The following PCNX2 variants were observed in gnomAD, a reference collection of about 807,000 sequenced individuals.
The protein encoded by PCNX2 is pecanex-like protein 2.
Under a neutral mutation model 223.8 loss-of-function variants are expected in PCNX2, and 168 were observed. The observed-to-expected ratio is 0.75, with a 90% CI of 0.66 to 0.85. PCNX2 has a LOEUF of 0.85. Ranked by LOEUF, PCNX2 falls within the 40% of genes least tolerant of loss-of-function variation. The pLI is 0.00. For missense variants in PCNX2, 2,507 were observed against 2,675.5 expected, an observed-to-expected ratio of 0.94 and a Z score of 1.39; for synonymous variants, 1,006 against 1,052.6, an observed-to-expected ratio of 0.96 and a Z score of 0.86.
Position 233,139,139 on chromosome 1 carries a change from G to T in PCNX2, c.3659+575C>A, listed in dbSNP as rs1044051829. ...AGATTATCAAGGAGATTTCCATGTT[G>T]TAAATTCAGAATTAATTTTAATATA... On this transcript the variant is annotated intron_variant, in intron 20 of 33. Transcript: ENST00000258229. This position sits in a 1 kb window ranked among gnomAD's most constrained non-coding sequence, Gnocchi z 4.4. Among the ~76,000 whole-genome samples, 5 of 152,180 alleles carry T rather than the reference G, an allele frequency of 3.3e-5. No individual in the cohort carries two copies. Among genetic ancestry groups the T allele is most frequent in the African/African-American group, 1.2e-4 (5 of 41,432 alleles).
chr1:233,024,724 T>C (rs1671022185), intron 26 of PCNX2, among the ~76,000 whole-genome samples: 1 of 152,234 alleles, frequency 6.6e-6, no homozygotes, highest in South Asian at 2.1e-4. Flanking sequence ...AGCTACATTT[T>C]GAGTTCTCCT....
In PCNX2 at chr1:233,258,388, A is replaced by AT; in HGVS notation, c.1473dup (p.Ser492IlefsTer8). 6.2e-7 allele frequency: 1 copy of AT among 1,613,980 alleles called. No homozygotes were observed. The highest frequency in any genetic ancestry group is 1.7e-5 in the Admixed American group (1 of 60,032). On this transcript the variant is annotated frameshift_variant, in exon 5 of 34. Coordinates refer to ENST00000258229, the MANE Select transcript of PCNX2 (RefSeq NM_014801.4). LOFTEE classifies it high-confidence loss of function. The stretch of plus-strand genomic sequence containing the variant: ...GTATCAGGTGTAAGCCGGGACACCG[A>AT]TTCCCAGGGTTCCCGTGATGAAGAA...
At position 233,005,931 on chromosome 1, in the gene PCNX2, C is replaced by T. The variant is rs369556869; in HGVS notation, c.4953-4250G>A. On this transcript the variant is annotated intron_variant, in intron 28 of 33. Transcript: ENST00000258229. ...GGGACTAAAACAGCCCCCACTCGCA[C>T]GCCTGTGGAGGATGTCAGTGAAGCA... Among the ~76,000 whole-genome samples, 57 of 152,174 alleles carry T rather than the reference C, an allele frequency of 3.7e-4. 3 individuals are homozygous for T. Among genetic ancestry groups the T allele is most frequent in the Admixed American group, 9.2e-4 (14 of 15,288 alleles).
intron 21 of PCNX2, among the ~76,000 whole-genome samples, chr1:233,119,238 TAAGTATAAAACGAA>T (rs915244313): frequency 4.0e-5 from 6 of 151,366 alleles, no homozygotes; most frequent in Non-Finnish European, 8.8e-5. Context: ...ATCACAGACT[TAAGTATAAAACGAA>T]AAGTATAAAA....
intron 26 of PCNX2, chr1:233,018,691 T>C: frequency 1.1e-6 from 1 of 908,200 alleles, no homozygotes; most frequent in Non-Finnish European, 1.3e-6. Context: ...GCAGTTCCAT[T>C]ATAACAGAAA....
At chr1:233,284,654 C>T (rs186072380) in intron 1 of PCNX2, among the ~76,000 whole-genome samples, 167 of 152,186 alleles carry the variant, frequency 1.1e-3, no homozygotes, top group African/African-American at 3.9e-3. Context: ...CCACAATATC[C>T]AGCAGAACAT....
intron 25 of PCNX2, among the ~76,000 whole-genome samples, chr1:233,047,650 C>T (rs1671866069): frequency 6.6e-6 from 1 of 152,122 alleles, no homozygotes; most frequent in African/African-American, 2.4e-5. Flanking sequence ...TTCAACAAGA[C>T]TTAACTATCC....
chr1:233,247,874 T>A (rs1659217195), intron 8 of PCNX2, among the ~76,000 whole-genome samples: 1 of 52,484 alleles, frequency 1.9e-5, no homozygotes, highest in Admixed American at 2.8e-4. Context: ...CAAAACTCCG[T>A]CTCAAAAAAA....
At chr1:233,291,628 A>AT in intron 1 of PCNX2, 8 of 874,014 alleles carry the variant, frequency 9.2e-6, no homozygotes, top group Non-Finnish European at 9.6e-6. Context: ...AAAAAAAAAA[A>AT]GAGGAAGAAT....
chr1:232,989,182 C>T lies in PCNX2; in HGVS notation c.5792-2642G>A, dbSNP rs187845002. 2.7e-3 allele frequency among the ~76,000 whole-genome samples: 409 copies of T among 151,658 alleles called. 2 individuals carry two copies. Among genetic ancestry groups the T allele is most frequent in the Admixed American group, 8.4e-3 (128 of 15,258 alleles). Reference sequence around the variant, plus strand: ...TCAAAACTGCTCACTCGGCCGGGCACGGTGGCTCACGCCTGTAATCCCAGC... The same window carrying T: ...TCAAAACTGCTCACTCGGCCGGGCATGGTGGCTCACGCCTGTAATCCCAGC... On this transcript the variant is annotated intron_variant, in intron 32 of 33. Transcript: ENST00000258229.
Position 232,986,122 on chromosome 1 carries a change from G to C in PCNX2, c.6210C>G (p.Pro2070=). 6.4e-7 allele frequency: 1 copy of C among 1,567,966 alleles called. No homozygotes were observed. Among genetic ancestry groups the C allele is most frequent in the Non-Finnish European group, 8.7e-7 (1 of 1,155,706 alleles). Residue 2070 remains proline (P), a synonymous_variant, in exon 33 of 34, where the codon CCC becomes CCG. Transcript: ENST00000258229. ...TGGCCTGGCTGGCAGCCCTGGCTGA[G>C]GGGCCCATCACGATGTTGACGCTGC... The part of the protein sequence containing the change: ...SSSSVNIVMG[P]SARAASQATR...
chr1:232,990,846 C>T lies in PCNX2; in HGVS notation c.5792-4306G>A, dbSNP rs970628775. Among the ~76,000 whole-genome samples the T allele has an allele frequency of 5.3e-5, 8 of 152,196 alleles. No homozygotes were observed. The highest frequency in any genetic ancestry group is 9.7e-5 in the African/African-American group (4 of 41,438). On this transcript the variant is annotated intron_variant, in intron 32 of 33. Transcript: ENST00000258229. This position sits in a 1 kb window ranked among gnomAD's most constrained non-coding sequence, Gnocchi z 4.3. ...CCTGCACAGGCCTCTTCCCCAGGGT[C>T]GTCTCCCAGGGCGGACCTTGGGCCT...
chr1:233,312,520 T>C, the PCNX2 span, among the ~76,000 whole-genome samples: 1 of 152,200 alleles, frequency 6.6e-6, no homozygotes, highest in East Asian at 1.9e-4. Flanking sequence ...AGCAGATTTT[T>C]ACATCAACTT....
intron 32 of PCNX2, among the ~76,000 whole-genome samples, chr1:232,997,505 A>G (rs1000601386): frequency 8.5e-5 from 13 of 152,100 alleles, no homozygotes; most frequent in Admixed American, 6.5e-4. Flanking sequence ...AACCACTAAC[A>G]TGCTCCAGAG....
intron 8 of PCNX2, among the ~76,000 whole-genome samples, chr1:233,245,659 C>T (rs1049938612): frequency 4.6e-5 from 7 of 152,176 alleles, no homozygotes; most frequent in African/African-American, 1.7e-4. Context: ...CTCACGCCTG[C>T]AATCCAGCAC....
chr1:233,235,955 AAAATAT>A (rs1558376304), intron 9 of PCNX2, among the ~76,000 whole-genome samples: 3 of 41,478 alleles, frequency 7.2e-5, no homozygotes, highest in African/African-American at 1.3e-4. Flanking sequence ...ATCATAAAAA[AAAATAT>A]ATATATATAT....
At chr1:233,205,928 A>G (rs1681423399) in intron 13 of PCNX2, among the ~76,000 whole-genome samples, 1 of 152,158 alleles carries the variant, frequency 6.6e-6, no homozygotes, top group Admixed American at 6.5e-5. Flanking sequence ...TGGGCTAAGG[A>G]CTATGAAAGT....
intron 25 of PCNX2, 129 bp from the exon 26 acceptor site, chr1:233,025,528 T>C (rs946396879): frequency 2.5e-6 from 3 of 1,211,670 alleles, no homozygotes; most frequent in Admixed American, 5.3e-5. Context: ...GAAATTTGTT[T>C]GTCCTCAAAT....
chr1:233,313,801 CA>C, the PCNX2 span, among the ~76,000 whole-genome samples: 1 of 152,164 alleles, frequency 6.6e-6, no homozygotes, highest in African/African-American at 2.4e-5. Flanking sequence ...AAAAAATGTG[CA>C]ATCTCACTCA....
Sources: allele counts gnomAD v4.1 joint callset (sites outside exome capture counted in the v4.1 genomes callset), GRCh38; gene constraint gnomAD v4.1.1; non-coding constraint Gnocchi (gnomAD v3.1); transcripts MANE v1.5; gene names NCBI Gene and HGNC (gene_info 2026-07-23, HGNC 2026-07-21).